Variants in DAB2IP observed in about 807,000 individuals in gnomAD.
DAB2IP encodes DAB2 interacting protein.
In DAB2IP, 28 loss-of-function variants were observed where a neutral mutation model predicts 107.2. The ratio of observed to expected loss-of-function variants is 0.26; its 90% CI spans 0.19 to 0.36. The LOEUF (loss-of-function observed/expected upper bound fraction) is 0.36, where lower values mean the gene tolerates loss of function less well. DAB2IP is among the 10% of genes least tolerant of loss of function. The pLI is 1.00. For synonymous variants in DAB2IP, 755 were observed against 706.4 expected (o/e 1.07, Z -1.09); for missense variants, 1,400 against 1,644.7 (o/e 0.85, Z 2.57).
intron 1 of DAB2IP, among the ~76,000 whole-genome samples, chr9:121,673,958 TG>T (rs1305909319): frequency 6.6e-6 from 1 of 152,172 alleles, no homozygotes; most frequent in Non-Finnish European, 1.5e-5. Context: ...GAAAAGCAGG[TG>T]GTGCCTCAGA....
chr9:121,592,636 A>G (rs1049671493), intron 1 of DAB2IP, among the ~76,000 whole-genome samples: 11 of 152,242 alleles, frequency 7.2e-5, no homozygotes, highest in African/African-American at 2.4e-5. Flanking sequence ...AACATGTAAC[A>G]TTAGCCAATT....
At chr9:121,783,357 G>GTATC (rs1281202343) in exon 16 of DAB2IP, 3 of 1,486,396 alleles carry the variant, frequency 2.0e-6, no homozygotes, top group African/African-American at 1.4e-5. Context: ...TCTGAGCACT[G>GTATC]TATCTGCCTT....
At chr9:121,588,808 AC>A (rs1474663381) in intron 1 of DAB2IP, among the ~76,000 whole-genome samples, 1 of 151,676 alleles carries the variant, frequency 6.6e-6, no homozygotes, top group Non-Finnish European at 1.5e-5. Flanking sequence ...GATGTAGGAC[AC>A]CCCAGGAAGG....
At chr9:121,613,393 T>C (rs1340925883) in intron 1 of DAB2IP, among the ~76,000 whole-genome samples, 1 of 152,236 alleles carries the variant, frequency 6.6e-6, no homozygotes, top group East Asian at 1.9e-4. Context: ...ATATCCTTGC[T>C]GGAATTTCTC....
intron 1 of DAB2IP, among the ~76,000 whole-genome samples, chr9:121,587,333 G>T (rs1297414886): frequency 2.0e-5 from 3 of 152,172 alleles, no homozygotes; most frequent in Non-Finnish European, 4.4e-5. Flanking sequence ...GAGGCCAGGT[G>T]CAGTGGCTCA....
chr9:121,673,745 G>A (rs1833776041), intron 1 of DAB2IP, among the ~76,000 whole-genome samples: 2 of 152,158 alleles, frequency 1.3e-5, no homozygotes, highest in Non-Finnish European at 2.9e-5. Context: ...CTGGCTCCGT[G>A]GGGAAGGTGT....
chr9:121,763,674 C>T (rs745440159), intron 7 of DAB2IP, 25 bp downstream of exon 7: 91 of 1,612,122 alleles, frequency 5.6e-5, no homozygotes, highest in Non-Finnish European at 7.5e-5. Context: ...AGCAGCAGGG[C>T]AGAGGGTGGG....
At chr9:121,721,713 C>G (rs1402162845) in intron 3 of DAB2IP, among the ~76,000 whole-genome samples, 3 of 152,174 alleles carry the variant, frequency 2.0e-5, no homozygotes, top group Non-Finnish European at 2.9e-5. Context: ...GTGGGCTAAA[C>G]AAAACATGAA....
At chr9:121,762,706 A>T (rs1833981302) in intron 6 of DAB2IP, among the ~76,000 whole-genome samples, 1 of 152,098 alleles carries the variant, frequency 6.6e-6, no homozygotes, top group African/African-American at 2.4e-5. Context: ...TGAAACTATG[A>T]CAGTTTTTCC....
chr9:121,747,954 G>A (rs1564196891), intron 3 of DAB2IP, among the ~76,000 whole-genome samples: 1 of 152,006 alleles, frequency 6.6e-6, no homozygotes, highest in African/African-American at 2.4e-5. Flanking sequence ...CAGTTTATAC[G>A]GGGAGAGGAT....
chr9:121,714,888 ACTC>A (rs1830512272), intron 3 of DAB2IP, among the ~76,000 whole-genome samples: 1 of 152,142 alleles, frequency 6.6e-6, no homozygotes. Flanking sequence ...CAGTGGGAGA[ACTC>A]GTGCAGTCCT....
In DAB2IP at chr9:121,782,222, C is replaced by A; in HGVS notation, c.3403-109C>A. The stretch of plus-strand genomic sequence containing the variant: ...CCAGCTGCTCACAGCCCGGAGCCTG[C>A]CTGCCACCCTCATCTCCAGGCCACC... On this transcript the variant is annotated intron_variant, in intron 15 of 15. Coordinates refer to ENST00000408936, the Ensembl canonical transcript of DAB2IP. The surrounding 1 kb of genome is among the most constrained non-coding windows in gnomAD (Gnocchi z 6.1). 1.3e-6 allele frequency: 2 copies of A among 1,504,248 alleles called. No individual in the cohort carries two copies. The highest frequency in any genetic ancestry group is 1.8e-6 in the Non-Finnish European group (2 of 1,122,722). 93.2% of individuals were successfully genotyped at this position (1,504,248 alleles called of 1,614,324 possible).
chr9:121,783,864 G>GGCCCCTGTCTGTTCCCA (rs1835830503), exon 16 of DAB2IP: 2 of 435,184 alleles, frequency 4.6e-6, no homozygotes, highest in Middle Eastern at 6.4e-4. Flanking sequence ...GGTCTCTCTC[G>GGCCCCTGTCTGTTCCCA]GCCCCTGTCT....
intron 1 of DAB2IP, among the ~76,000 whole-genome samples, chr9:121,592,318 A>G (rs536688413): frequency 2.6e-5 from 4 of 152,212 alleles, no homozygotes; most frequent in African/African-American, 9.6e-5. Flanking sequence ...GTGAGCCAAG[A>G]TAGTGCCACT....
chr9:121,734,331 T>G (rs1255373371), intron 3 of DAB2IP, among the ~76,000 whole-genome samples: 1 of 148,848 alleles, frequency 6.7e-6, no homozygotes, highest in Admixed American at 6.7e-5. Flanking sequence ...GAGCCGAGAT[T>G]GCGCCATTGC....
At chr9:121,771,302 G>A (rs1283388986) in intron 11 of DAB2IP, among the ~76,000 whole-genome samples, 1 of 152,146 alleles carries the variant, frequency 6.6e-6, no homozygotes, top group African/African-American at 2.4e-5. Flanking sequence ...TCAAAATAGA[G>A]ACATTTCTAT....
intron 4 of DAB2IP, among the ~76,000 whole-genome samples, chr9:121,757,945 C>T (rs531264110): frequency 3.3e-5 from 5 of 152,338 alleles, no homozygotes; most frequent in Admixed American, 3.3e-4. Context: ...CTGGCACCCC[C>T]AGCCCTGGGG....
intron 1 of DAB2IP, among the ~76,000 whole-genome samples, chr9:121,655,304 C>A (rs1475611765): frequency 6.6e-6 from 1 of 152,196 alleles, no homozygotes; most frequent in Non-Finnish European, 1.5e-5. Context: ...CACCTAGTCA[C>A]ACCAAAATCA....
At chr9:121,630,564 C>T (rs1430547059) in intron 1 of DAB2IP, among the ~76,000 whole-genome samples, 1 of 151,306 alleles carries the variant, frequency 6.6e-6, no homozygotes, top group Non-Finnish European at 1.5e-5. Flanking sequence ...CAGGCATGCG[C>T]CACCACACCC....
Sources: allele counts gnomAD v4.1 joint callset (sites outside exome capture counted in the v4.1 genomes callset), GRCh38; gene constraint gnomAD v4.1.1; non-coding constraint Gnocchi (gnomAD v3.1); transcripts MANE v1.5; gene names NCBI Gene and HGNC (gene_info 2026-07-23, HGNC 2026-07-21).